Variants in EYA4 observed in about 807,000 individuals in gnomAD.
EYA4 encodes the protein protein phosphatase EYA4.
Under a neutral mutation model 87.9 loss-of-function variants are expected in EYA4, and 31 were observed. That is an observed-to-expected ratio of 0.35 (90% CI 0.27 to 0.48). EYA4 has a LOEUF of 0.48. Ranked by LOEUF, EYA4 falls within the 20% of genes least tolerant of loss-of-function variation. The pLI is 0.99. For synonymous variants in EYA4, 263 were observed against 270.6 expected (o/e 0.97, Z 0.28); for missense variants, 678 against 761.4 (o/e 0.89, Z 1.29).
chr6:133,247,801 C>T (rs892464197), intron 1 of EYA4: 1 of 152,058 alleles, frequency 6.6e-6, no homozygotes, highest in African/African-American at 2.4e-5. Flanking sequence ...ACAGTACCCT[C>T]TCACGGTGGC....
chr6:133,371,062 C>T (rs571806933), intron 2 of EYA4, among the ~76,000 whole-genome samples: 1 of 152,176 alleles, frequency 6.6e-6, no homozygotes, highest in South Asian at 2.1e-4. Context: ...GTGTAAATTG[C>T]TGTTTTGCTG....
At chr6:133,384,908 A>G (rs932028856) in intron 3 of EYA4, among the ~76,000 whole-genome samples, 1 of 152,274 alleles carries the variant, frequency 6.6e-6, no homozygotes, top group Admixed American at 6.5e-5. Flanking sequence ...TCAAAAAACA[A>G]AAAAAATGAC....
At chr6:133,253,672 C>T (rs1207811030) in intron 1 of EYA4, among the ~76,000 whole-genome samples, 12 of 151,862 alleles carry the variant, frequency 7.9e-5, no homozygotes, top group Non-Finnish European at 1.6e-4. Context: ...TAATAATAAT[C>T]TACTCATCTT....
intron 2 of EYA4, among the ~76,000 whole-genome samples, chr6:133,279,801 A>G (rs1777477939): frequency 1.3e-5 from 2 of 152,180 alleles, no homozygotes; most frequent in South Asian, 4.1e-4. Flanking sequence ...TCTCTGTATC[A>G]GATTTTTAAC....
chr6:133,298,359 G>T (rs1474159673), intron 2 of EYA4, among the ~76,000 whole-genome samples: 1 of 152,148 alleles, frequency 6.6e-6, no homozygotes, highest in Non-Finnish European at 1.5e-5. Context: ...GCGACATTCA[G>T]AAACCAAAAT....
At chr6:133,445,683 A>G (rs1232536333) in intron 3 of EYA4, among the ~76,000 whole-genome samples, 1 of 148,590 alleles carries the variant, frequency 6.7e-6, no homozygotes, top group Non-Finnish European at 1.5e-5. Context: ...GGTTCACACC[A>G]CTCTCCTGCC....
intron 2 of EYA4, among the ~76,000 whole-genome samples, chr6:133,366,017 A>G (rs1419855418): frequency 6.6e-6 from 1 of 152,222 alleles, no homozygotes; most frequent in Non-Finnish European, 1.5e-5. Flanking sequence ...CAAACACAAT[A>G]TAAGAAAACA....
At chr6:133,310,163 C>T (rs1489297406) in intron 2 of EYA4, among the ~76,000 whole-genome samples, 7 of 152,070 alleles carry the variant, frequency 4.6e-5, no homozygotes, top group Non-Finnish European at 1.0e-4. Context: ...ATAATTCCTG[C>T]CATATAGGAT....
chr6:133,329,756 C>T (rs750791178), intron 2 of EYA4, among the ~76,000 whole-genome samples: 4 of 152,082 alleles, frequency 2.6e-5, no homozygotes, highest in South Asian at 2.1e-4. Flanking sequence ...ACATACTTGA[C>T]ATCTGCTGTT....
intron 2 of EYA4, among the ~76,000 whole-genome samples, chr6:133,324,904 ATTTTTTTTTTTTT>A (rs756478373): frequency 2.4e-5 from 2 of 83,536 alleles, no homozygotes; most frequent in African/African-American, 4.8e-5. Flanking sequence ...TTCAGAAGCT[ATTTTTTTTTTTTT>A]TTTTTTTTTT....
chr6:133,357,270 C>CA (rs754202361), intron 2 of EYA4, among the ~76,000 whole-genome samples: 5,219 of 64,700 alleles, frequency 0.081, 273 homozygotes, highest in Non-Finnish European at 0.1. Context: ...GACTCCGTCT[C>CA]AAAAAAAAAA....
intron 17 of EYA4, among the ~76,000 whole-genome samples, chr6:133,520,982 T>TA (rs1800069534): frequency 6.6e-6 from 1 of 151,518 alleles, no homozygotes; most frequent in South Asian, 2.1e-4. Context: ...ATTAAAGACT[T>TA]AAATGTTAGA....
chr6:133,370,049 C>T (rs978997487), intron 2 of EYA4, among the ~76,000 whole-genome samples: 5 of 152,218 alleles, frequency 3.3e-5, no homozygotes, highest in African/African-American at 1.2e-4. Context: ...ACCTACATAA[C>T]TGCACTGCTC....
intron 5 of EYA4, among the ~76,000 whole-genome samples, chr6:133,450,836 G>T (rs1298906281): frequency 3.9e-5 from 6 of 152,198 alleles, no homozygotes; most frequent in Non-Finnish European, 5.9e-5. Context: ...GATATAAGTA[G>T]ATAGTATCAC....
chr6:133,349,849 G>A (rs1366064272), intron 2 of EYA4, among the ~76,000 whole-genome samples: 2 of 152,126 alleles, frequency 1.3e-5, no homozygotes, highest in Non-Finnish European at 2.9e-5. Context: ...AAAATTTTGT[G>A]TGGGTAAAAT....
At chr6:133,358,094 C>A (rs1377144919) in intron 2 of EYA4, among the ~76,000 whole-genome samples, 1 of 152,116 alleles carries the variant, frequency 6.6e-6, no homozygotes, top group Non-Finnish European at 1.5e-5. Flanking sequence ...AGCTTCATAG[C>A]TGCTGTTTAC....
intron 2 of EYA4, among the ~76,000 whole-genome samples, chr6:133,319,722 CT>C (rs58829338): frequency 7.5e-4 from 107 of 143,258 alleles, no homozygotes; most frequent in Middle Eastern, 3.7e-3. Flanking sequence ...TTCTTTTCTT[CT>C]TTTTTTTTTT....
At chr6:133,377,564 G>GTT (rs145391738) in intron 2 of EYA4, among the ~76,000 whole-genome samples, 37 of 116,318 alleles carry the variant, frequency 3.2e-4, no homozygotes, top group African/African-American at 9.7e-4. Context: ...TTTCACATTA[G>GTT]TTTTTTTTTT....
intron 2 of EYA4, among the ~76,000 whole-genome samples, chr6:133,288,163 G>A (rs1158809997): frequency 6.6e-6 from 1 of 152,084 alleles, no homozygotes; most frequent in Non-Finnish European, 1.5e-5. Context: ...TCAGGGATTG[G>A]CAATTTTTTT....
Sources: allele counts gnomAD v4.1 joint callset (sites outside exome capture counted in the v4.1 genomes callset), GRCh38; gene constraint gnomAD v4.1.1; transcripts MANE v1.5; gene names NCBI Gene and HGNC (gene_info 2026-07-23, HGNC 2026-07-21).